TMC1: variants seen among roughly 807,000 people sequenced by gnomAD.
The protein encoded by TMC1 is transmembrane channel-like protein 1.
In TMC1, 84 loss-of-function variants were observed where a neutral mutation model predicts 105.8. The ratio of observed to expected loss-of-function variants is 0.79; its 90% CI spans 0.67 to 0.95. TMC1 has a LOEUF of 0.95. TMC1 is among the 40% of genes least tolerant of loss of function. The pLI, the probability that TMC1 is intolerant of heterozygous loss-of-function variation, is 0.00. For synonymous variants in TMC1, 315 were observed against 311.5 expected (o/e 1.01, Z -0.12); for missense variants, 817 against 914.1 (o/e 0.89, Z 1.37).
At chr9:72,772,377 C>T (rs768295980) in intron 12 of TMC1, 36 bp from the exon 13 acceptor site, 42 of 1,613,170 alleles carry the variant, frequency 2.6e-5, no homozygotes, top group East Asian at 8.9e-5. Context: ...TTGCTCTTCA[C>T]GACAACTGCT....
At chr9:72,622,223 C>G (rs535066606) in intron 3 of TMC1, among the ~76,000 whole-genome samples, 2 of 152,314 alleles carry the variant, frequency 1.3e-5, no homozygotes, top group East Asian at 1.9e-4. Flanking sequence ...TGGGTCACTT[C>G]TATAGATGAA....
Position 72,837,354 on chromosome 9 carries a change from TAG to T in TMC1, c.*1387_*1388del, listed in dbSNP as rs1275063295. 6.6e-6 allele frequency: 1 copy of T among 152,226 alleles called. No individual in the cohort carries two copies. The highest frequency in any genetic ancestry group is 6.5e-5 in the Admixed American group (1 of 15,280). The allele number at this position is 152,226 out of a possible 1,614,324, so 9.4% of individuals were successfully genotyped here. A position where few individuals can be genotyped will look rare whatever the true frequency, so the allele number is the denominator to read the frequency against. On this transcript the variant is annotated 3_prime_UTR_variant, in exon 24 of 24. Coordinates refer to ENST00000297784, the MANE Select transcript of TMC1 (RefSeq NM_138691.3). Reference sequence around the variant, plus strand: ...CACTGGTTGCCACTAATTATTATTTTAGAGAGATAGTTTAACCACCACCTGAC... The same window carrying T: ...CACTGGTTGCCACTAATTATTATTTTAGAGATAGTTTAACCACCACCTGAC...
chr9:72,727,781 G>T (rs527613926), intron 8 of TMC1, among the ~76,000 whole-genome samples: 2 of 152,144 alleles, frequency 1.3e-5, no homozygotes, highest in East Asian at 3.9e-4. Flanking sequence ...TAGTGATATG[G>T]CCTGGAACTC....
chr9:72,747,197 T>G (rs555562354), intron 10 of TMC1, among the ~76,000 whole-genome samples: 1 of 152,308 alleles, frequency 6.6e-6, no homozygotes, highest in African/African-American at 2.4e-5. Context: ...AACCTTATGT[T>G]TCCTTGCTGC....
intron 12 of TMC1, among the ~76,000 whole-genome samples, chr9:72,763,025 C>A (rs1370546857): frequency 2.0e-5 from 3 of 149,162 alleles, no homozygotes; most frequent in African/African-American, 7.4e-5. Flanking sequence ...CTGCTTTTAG[C>A]TTCCTTGGTA....
chr9:72,600,162 T>C (rs1324418222), intron 2 of TMC1, among the ~76,000 whole-genome samples: 1 of 152,096 alleles, frequency 6.6e-6, no homozygotes, highest in East Asian at 1.9e-4. Flanking sequence ...TTTAGAAAAA[T>C]CTCTATGGCA....
At chr9:72,643,389 GA>G (rs1482317008) in intron 4 of TMC1, among the ~76,000 whole-genome samples, 1 of 152,020 alleles carries the variant, frequency 6.6e-6, no homozygotes, top group Non-Finnish European at 1.5e-5. Flanking sequence ...TTTACAACTT[GA>G]AAAGTTTGCC....
At chr9:72,625,347 C>T (rs578017767) in intron 3 of TMC1, among the ~76,000 whole-genome samples, 94 of 152,176 alleles carry the variant, frequency 6.2e-4, no homozygotes, top group African/African-American at 2.2e-3. Flanking sequence ...TAGAAAGAAC[C>T]TATTATAAGA....
chr9:72,546,958 A>G (rs1239148381), intron 1 of TMC1, among the ~76,000 whole-genome samples: 2 of 152,154 alleles, frequency 1.3e-5, no homozygotes, highest in Non-Finnish European at 2.9e-5. Context: ...TATACTTACA[A>G]TCTTCAGCAT....
rs139733115 is a variant in TMC1 at position 72,785,540 on chromosome 9, C to T, written c.885-2799C>T. 4.3e-3 allele frequency among the ~76,000 whole-genome samples: 662 copies of T among 152,282 alleles called. 7 individuals carry two copies. Among genetic ancestry groups the T allele is most frequent in the African/African-American group, 0.015 (632 of 41,538 alleles). ...ATCTGTGGCATATCTGAATTGCCAG[C>T]ATCACTGCTCTTGCACTTTGAGAGT... On this transcript the variant is annotated intron_variant, in intron 13 of 23. Coordinates refer to ENST00000297784, the MANE Select transcript of TMC1 (RefSeq NM_138691.3).
Position 72,613,493 on chromosome 9 carries a change from A to C in TMC1, c.-305-2875A>C, listed in dbSNP as rs149466150. ...TCGTTAGTCATATTAATCCTCCATAACTTAGTCTTTTTGCCCCCTGATTAT... is the reference window on the plus strand; with the variant it reads ...TCGTTAGTCATATTAATCCTCCATACCTTAGTCTTTTTGCCCCCTGATTAT... On this transcript the variant is annotated intron_variant, in intron 2 of 23. Transcript: ENST00000297784. Among the ~76,000 whole-genome samples the C allele has an allele frequency of 3.9e-5, 6 of 152,038 alleles. No individual in the cohort carries two copies. In the East Asian group the frequency reaches 1.2e-3, roughly 29 times the overall value.
chr9:72,555,094 G>A (rs1823907892), intron 1 of TMC1, among the ~76,000 whole-genome samples: 2 of 151,956 alleles, frequency 1.3e-5, no homozygotes, highest in South Asian at 4.2e-4. Flanking sequence ...GGACAGGGTA[G>A]TATCAAATTT....
intron 3 of TMC1, among the ~76,000 whole-genome samples, chr9:72,625,220 T>C (rs1402099239): frequency 1.3e-5 from 2 of 152,170 alleles, no homozygotes; most frequent in Non-Finnish European, 2.9e-5. Flanking sequence ...ATTAGTGTCC[T>C]TCCACCAAAG....
At chr9:72,811,323 A>G (rs977926336) in intron 18 of TMC1, among the ~76,000 whole-genome samples, 4 of 152,192 alleles carry the variant, frequency 2.6e-5, no homozygotes, top group Non-Finnish European at 1.5e-5. Flanking sequence ...TGGAAAAATT[A>G]CTGGCTTGGA....
intron 4 of TMC1, among the ~76,000 whole-genome samples, chr9:72,629,434 T>C (rs1301699294): frequency 6.6e-6 from 1 of 152,128 alleles, no homozygotes; most frequent in African/African-American, 2.4e-5. Flanking sequence ...AATCTAGAGA[T>C]CAAAGATAAA....
At chr9:72,791,198 T>TC (rs1255810552) in intron 15 of TMC1, among the ~76,000 whole-genome samples, 3 of 151,754 alleles carry the variant, frequency 2.0e-5, no homozygotes, top group African/African-American at 7.3e-5. Context: ...TCTTTCTCTC[T>TC]CCCCCCTCTC....
At chr9:72,617,248 G>T (rs887120165) in intron 3 of TMC1, among the ~76,000 whole-genome samples, 1 of 152,062 alleles carries the variant, frequency 6.6e-6, no homozygotes, top group Non-Finnish European at 1.5e-5. Flanking sequence ...TGAAACCTCT[G>T]CCTCCTGGGT....
chr9:72,731,288 G>T (rs765412388), intron 8 of TMC1, among the ~76,000 whole-genome samples: 1 of 152,320 alleles, frequency 6.6e-6, no homozygotes, highest in African/African-American at 2.4e-5. Flanking sequence ...GGACTAGAAA[G>T]CAACACACTG....
rs141095953 is a variant in TMC1, at chr9:72,713,853, T to C, written c.362+13210T>C. Reference sequence around the variant, plus strand: ...CTTGCTTCTCTAGTTCTTTTAATTGTGATTTTAGGGTGTCGATTTTAGATC... The same window carrying C: ...CTTGCTTCTCTAGTTCTTTTAATTGCGATTTTAGGGTGTCGATTTTAGATC... On this transcript the variant is annotated intron_variant, in intron 8 of 23. Coordinates refer to ENST00000297784, the MANE Select transcript of TMC1 (RefSeq NM_138691.3). Among the ~76,000 whole-genome samples the C allele has an allele frequency of 2.1e-3, 317 of 152,218 alleles. 2 individuals are homozygous for C. Among genetic ancestry groups the C allele is most frequent in the African/African-American group, 7.4e-3 (309 of 41,542 alleles).
Sources: gnomAD v4.1 joint callset for allele counts (sites outside exome capture counted in the v4.1 genomes callset) on GRCh38, gnomAD v4.1.1 for gene constraint, MANE v1.5 for transcripts, NCBI Gene and HGNC (gene_info 2026-07-23, HGNC 2026-07-21) for gene names.